Variants in DAB2IP observed in about 807,000 individuals in gnomAD.
The protein encoded by DAB2IP is DAB2 interacting protein.
In DAB2IP, 28 loss-of-function variants were observed where a neutral mutation model predicts 107.2. The observed-to-expected ratio is 0.26, with a 90% CI of 0.19 to 0.36. The LOEUF (loss-of-function observed/expected upper bound fraction) is 0.36, where lower values mean the gene tolerates loss of function less well. Ranked by LOEUF, DAB2IP falls within the 10% of genes least tolerant of loss-of-function variation. The probability of loss-of-function intolerance (pLI) is 1.00; values close to 1 mark genes in which losing one functional copy is unlikely to be tolerated. For missense variants in DAB2IP, 1,400 were observed against 1,644.7 expected (o/e 0.85, Z 2.57); for synonymous variants, 755 against 706.4 (o/e 1.07, Z -1.09).
intron 3 of DAB2IP, among the ~76,000 whole-genome samples, chr9:121,748,128 C>G (rs1001133582): frequency 6.6e-6 from 1 of 152,136 alleles, no homozygotes; most frequent in Non-Finnish European, 1.5e-5. Context: ...AGTTTATGGT[C>G]CCTTATGTTC....
At chr9:121,620,136 G>A (rs1185769845) in intron 1 of DAB2IP, among the ~76,000 whole-genome samples, 1 of 152,200 alleles carries the variant, frequency 6.6e-6, no homozygotes, top group Non-Finnish European at 1.5e-5. Flanking sequence ...TCCCGGCTCT[G>A]ACCCCCTGCT....
chr9:121,753,103 C>T lies in DAB2IP; in HGVS notation c.363-3910C>T, dbSNP rs1833236778. Reference sequence around the variant, plus strand: ...ATGTGACGCATGGCCCAAGGTAAGCCCGGCCTGGGGACGCCAGCTCCACCC... The same window carrying T: ...ATGTGACGCATGGCCCAAGGTAAGCTCGGCCTGGGGACGCCAGCTCCACCC... On this transcript the variant is annotated intron_variant, in intron 3 of 15. Coordinates refer to ENST00000408936, the Ensembl canonical transcript of DAB2IP. The T allele has an allele frequency of 2.0e-5, 3 of 152,290 alleles. No individual in the cohort carries two copies. In the South Asian group the frequency reaches 6.2e-4, roughly 32 times the overall value. 9.4% of individuals were successfully genotyped at this position (152,290 alleles called of 1,614,324 possible).
intron 1 of DAB2IP, among the ~76,000 whole-genome samples, chr9:121,590,887 C>T (rs1002699014): frequency 6.6e-6 from 1 of 152,174 alleles, no homozygotes; most frequent in Non-Finnish European, 1.5e-5. Flanking sequence ...ACACATCCAT[C>T]CAGTGATCAC....
intron 1 of DAB2IP, among the ~76,000 whole-genome samples, chr9:121,600,660 G>A (rs1830660308): frequency 6.6e-6 from 1 of 152,090 alleles, no homozygotes; most frequent in Non-Finnish European, 1.5e-5. Flanking sequence ...ACTCCTTTCC[G>A]TGTTTTACTG....
chr9:121,646,904 C>T (rs1832559489), upstream of DAB2IP, among the ~76,000 whole-genome samples: 3 of 152,320 alleles, frequency 2.0e-5, no homozygotes, highest in South Asian at 2.1e-4. Context: ...AGGGAACTCA[C>T]CTACCCTCTC....
At chr9:121,666,604 G>A (rs1265958437) in intron 1 of DAB2IP, among the ~76,000 whole-genome samples, 1 of 152,094 alleles carries the variant, frequency 6.6e-6, no homozygotes, top group African/African-American at 2.4e-5. Flanking sequence ...CGGCGGGTTG[G>A]GGGGCCAGGG....
In DAB2IP at chr9:121,592,826, A is replaced by G. The variant is rs114575330; in HGVS notation, c.40+25598A>G. Among the ~76,000 whole-genome samples, 568 of 152,260 alleles carry G rather than the reference A, an allele frequency of 3.7e-3. 3 individuals are homozygous for G. Among genetic ancestry groups the G allele is most frequent in the African/African-American group, 0.013 (545 of 41,554 alleles). ...AGGCTCTGTCGCCCCTACAGATGGA[A>G]GCTGACAAGGAAAAGACGGGTCCAG... On this transcript the variant is annotated intron_variant, in intron 1 of 16. Coordinates refer to the DAB2IP transcript ENST00000259371.
At chr9:121,580,685 C>T (rs899537716) in intron 1 of DAB2IP, among the ~76,000 whole-genome samples, 14 of 151,868 alleles carry the variant, frequency 9.2e-5, no homozygotes, top group African/African-American at 2.4e-4. Flanking sequence ...AGTCCAGTGG[C>T]GCAATCTCAG....
At chr9:121,768,565 A>G (rs376186048) in exon 10 of DAB2IP, 2 of 1,614,182 alleles carry the variant, frequency 1.2e-6, no homozygotes, top group Non-Finnish European at 1.7e-6. Context: ...CGAGGGCTAC[A>G]TCGACCTGGG....
At position 121,678,659 on chromosome 9, in the gene DAB2IP, T is replaced by A. The variant is rs748035480; in HGVS notation, c.125-19T>A. ...CTTGGCTGTTCTTGTTCAACCTCTC[T>A]CTCCTCCTCTGTTGGCAGAGTCGCC... On this transcript the variant is annotated intron_variant, in intron 1 of 15. Transcript: ENST00000408936. 3 of 1,503,168 alleles carry A rather than the reference T, an allele frequency of 2.0e-6. No homozygotes were observed. The South Asian group carries it at 3.8e-5, about 19-fold the overall frequency. The allele number at this position is 1,503,168 out of a possible 1,614,324, so 93.1% of individuals were successfully genotyped here.
At chr9:121,761,874 C>T (rs1335154355) in intron 6 of DAB2IP, among the ~76,000 whole-genome samples, 1 of 152,186 alleles carries the variant, frequency 6.6e-6, no homozygotes, top group Non-Finnish European at 1.5e-5. Flanking sequence ...GCATTATTTT[C>T]TGCAGTTGTG....
At position 121,776,343 on chromosome 9, in the gene DAB2IP, G is replaced by A. The variant is rs1343675566; in HGVS notation, c.3266G>A (p.Arg1089Gln). ...CTGGAGGAGGGCGAGGAGCGGCTGC[G>A]GCGGCAGCAGGAGGACAAGGACATC... Residue 1089 changes from arginine to glutamine, a missense_variant, in exon 14 of 16, where the codon CGG becomes CAG. By Grantham distance (43) the Arg-to-Gln change is conservative (BLOSUM62 1). This residue lies in a region of DAB2IP where 600 missense variants were observed against 659.1 expected (regional missense o/e 0.91). Transcript: ENST00000408936. The surrounding 1 kb of genome is among the most constrained non-coding windows in gnomAD (Gnocchi z 5.4). The A allele has an allele frequency of 9.7e-6, 15 of 1,553,568 alleles. No individual in the cohort carries two copies. The highest frequency in any genetic ancestry group is 2.7e-5 in the African/African-American group (2 of 73,286).
In DAB2IP at chr9:121,760,627, G is replaced by A. The variant is rs565189470; in HGVS notation, c.1170+188G>A. Among the ~76,000 whole-genome samples the A allele has an allele frequency of 1.3e-5, 2 of 152,260 alleles. No homozygotes were observed. The highest frequency in any genetic ancestry group is 4.1e-4 in the South Asian group (2 of 4,824). On this transcript the variant is annotated intron_variant, in intron 6 of 15. Coordinates refer to ENST00000408936, the Ensembl canonical transcript of DAB2IP. The surrounding 1 kb of genome is among the most constrained non-coding windows in gnomAD (Gnocchi z 5.9). Reference sequence around the variant, plus strand: ...TTTGTACTCCTGCTCTGTGGCTGGAGCTGATCACTGAGGCCTGTGTGGAGC... The same window carrying A: ...TTTGTACTCCTGCTCTGTGGCTGGAACTGATCACTGAGGCCTGTGTGGAGC...
chr9:121,610,226 A>G (rs1831042221), intron 1 of DAB2IP, among the ~76,000 whole-genome samples: 1 of 152,118 alleles, frequency 6.6e-6, no homozygotes, highest in African/African-American at 2.4e-5. Flanking sequence ...AGGAGCTTGG[A>G]CCAGAGCCAG....
chr9:121,727,580 G>A (rs1831300792), intron 3 of DAB2IP, among the ~76,000 whole-genome samples: 1 of 152,182 alleles, frequency 6.6e-6, no homozygotes. Flanking sequence ...AGGAGAGCCT[G>A]TTTGGCGGAG....
intron 1 of DAB2IP, among the ~76,000 whole-genome samples, chr9:121,585,240 C>T (rs916435640): frequency 6.6e-5 from 10 of 152,134 alleles, no homozygotes; most frequent in Non-Finnish European, 1.3e-4. Context: ...AATGAGAGCA[C>T]AGAGTCGAGG....
In DAB2IP at chr9:121,711,766, G is replaced by T. The variant is rs74514593; in HGVS notation, c.362+12308G>T. ...CCTCAAAGCAGCTACCAGCTCTCCT[G>T]TGTGTGGGATGGGGCCTGGCTCTGG... On this transcript the variant is annotated intron_variant, in intron 3 of 15. Transcript: ENST00000408936. 6.3e-3 allele frequency among the ~76,000 whole-genome samples: 956 copies of T among 152,304 alleles called. 7 individuals carry two copies. Among genetic ancestry groups the T allele is most frequent in the African/African-American group, 0.022 (922 of 41,556 alleles).
In DAB2IP at chr9:121,776,150, C is replaced by G; in HGVS notation, c.3121-48C>G. On this transcript the variant is annotated intron_variant, in intron 13 of 15. Coordinates refer to ENST00000408936, the Ensembl canonical transcript of DAB2IP. The surrounding 1 kb of genome is among the most constrained non-coding windows in gnomAD (Gnocchi z 5.4). Reference sequence around the variant, plus strand: ...TCCCACTCGGGCTGACGAAGCTGTGCTCTCTGTGTCCTGGGTGCTGTGCCC... The same window carrying G: ...TCCCACTCGGGCTGACGAAGCTGTGGTCTCTGTGTCCTGGGTGCTGTGCCC... 6.5e-7 allele frequency: 1 copy of G among 1,548,370 alleles called. No individual in the cohort carries two copies. Among genetic ancestry groups the G allele is most frequent in the Non-Finnish European group, 8.7e-7 (1 of 1,145,672 alleles).
rs749134055 is a variant in DAB2IP at position 121,772,983 on chromosome 9, C to T, written c.2455C>T (p.Arg819Trp). 131 of 1,605,304 alleles carry T rather than the reference C, an allele frequency of 8.2e-5. 1 individual carries two copies. The East Asian group carries it at 1.2e-3, about 15-fold the overall frequency. Residue 819 changes from arginine (R) to tryptophan (W), a missense_variant, in exon 12 of 16, where the codon CGG becomes TGG. By Grantham distance (101) the Arg-to-Trp change is moderately radical. Transcript: ENST00000408936. The surrounding 1 kb of genome is among the most constrained non-coding windows in gnomAD (Gnocchi z 4.7). Reference sequence around the variant, plus strand: ...AGGCACCTCCGAGGGCGCGCCAGGCCGGCCCCAGCTGTTGGCACCGCTCTC... The same window carrying T: ...AGGCACCTCCGAGGGCGCGCCAGGCTGGCCCCAGCTGTTGGCACCGCTCTC...
Sources: allele counts gnomAD v4.1 joint callset (sites outside exome capture counted in the v4.1 genomes callset), GRCh38; gene constraint gnomAD v4.1.1; regional missense constraint gnomAD v4.1.1; non-coding constraint Gnocchi (gnomAD v3.1); transcripts MANE v1.5; gene names NCBI Gene and HGNC (gene_info 2026-07-23, HGNC 2026-07-21).